The following PSG3 variants were observed in gnomAD, a reference collection of about 807,000 sequenced individuals.
PSG3 encodes pregnancy-specific beta-1-glycoprotein 3.
PSG3 carries 61 observed loss-of-function variants against 47.5 expected under a neutral mutation model. That is an observed-to-expected ratio of 1.28 (90% CI 1.05 to 1.59). The LOEUF is 1.59. Ranked by LOEUF, PSG3 falls within the 40% of genes most tolerant of loss-of-function variation. PSG3 has a pLI of 0.00. For synonymous variants in PSG3, 263 were observed against 198.4 expected (o/e 1.33, Z -2.74); for missense variants, 756 against 524.0 (o/e 1.44, Z -4.32).
rs759329661 is a variant in PSG3, at chr19:42,729,371, G to T, written c.995C>A (p.Pro332Gln). ...TGAAGGGTAAATTCTGGGGAGGTCTGGACCATCTGGAGCAAAGAGAATAAA... is the reference window on the plus strand; with the variant it reads ...TGAAGGGTAAATTCTGGGGAGGTCTTGACCATCTGGAGCAAAGAGAATAAA... ...YPVTLNVLYG[P>Q]DLPRIYPSFT... The change falls in exon 5 of 7, where the codon CCA becomes CAA. Residue 332 changes from proline (P) to glutamine (Q), a missense_variant. Physicochemically the swap from Pro to Gln is moderately conservative, Grantham distance 76 (BLOSUM62 -1). Coordinates refer to ENST00000327495, the MANE Select transcript of PSG3 (RefSeq NM_021016.4). 3.7e-6 allele frequency: 6 copies of T among 1,612,206 alleles called. No homozygotes were observed. The highest frequency in any genetic ancestry group is 5.1e-6 in the Non-Finnish European group (6 of 1,178,954).
chr19:42,732,838 T>C lies in PSG3; in HGVS notation c.655A>G (p.Ile219Val). 1 of 1,614,152 alleles carries C rather than the reference T, an allele frequency of 6.2e-7. No homozygotes were observed. The highest frequency in any genetic ancestry group is 8.5e-7 in the Non-Finnish European group (1 of 1,180,010). The change falls in exon 3 of 7, where the codon ATA (isoleucine) becomes GTA (valine). Residue 219 changes from isoleucine to valine, a missense_variant. Physicochemically the swap from Ile to Val is conservative, Grantham distance 29 (BLOSUM62 3). Transcript: ENST00000327495. ...CGGCTGGCACTCACTGGGTTCCGTA[T>C]TTCACATTCATAGGGTCCTGCAGTG... Reference protein sequence around the residue: ...KYTAGPYECEIRNPVSASRSD... With the variant: ...KYTAGPYECEVRNPVSASRSD...
At chr19:42,724,566 C>A (rs1969345772) in intron 5 of PSG3, among the ~76,000 whole-genome samples, 2 of 152,144 alleles carry the variant, frequency 1.3e-5, no homozygotes, top group South Asian at 4.1e-4. Context: ...TGGAGGATTC[C>A]CCATCAGCCT....
At chr19:42,733,530 C>A in intron 2 of PSG3, 1 of 174,290 alleles carries the variant, frequency 5.7e-6, no homozygotes, top group East Asian at 1.4e-4. Flanking sequence ...TGTCTTTAAA[C>A]CCTTTGGATA....
In PSG3 at chr19:42,736,990, C is replaced by T. The variant is rs139756698; in HGVS notation, c.430+1734G>A. Among the ~76,000 whole-genome samples, 472 of 152,122 alleles carry T rather than the reference C, an allele frequency of 3.1e-3. 3 individuals are homozygous for T. The highest frequency in any genetic ancestry group is 0.011 in the African/African-American group (458 of 41,468). ...GGGTGGGGGAAGAAGCTGTGCAGGA[C>T]AGGGCTTGCCAGTCAGAATGAAGTG... On this transcript the variant is annotated intron_variant, in intron 2 of 6. Coordinates refer to ENST00000327495, the MANE Select transcript of PSG3 (RefSeq NM_021016.4).
At chr19:42,726,668 T>G (rs112667639) in intron 5 of PSG3, among the ~76,000 whole-genome samples, 8,341 of 152,242 alleles carry the variant, frequency 0.055, 255 homozygotes, top group Middle Eastern at 0.12. Context: ...GACATTTTGT[T>G]TTCATGAATT....
intron 2 of PSG3, among the ~76,000 whole-genome samples, chr19:42,735,485 G>T (rs1969548089): frequency 6.6e-6 from 1 of 151,992 alleles, no homozygotes. Flanking sequence ...TCCTGGCTTG[G>T]CCTCCCAAAT....
At chr19:42,730,346 C>A (rs1287395611) in intron 3 of PSG3, among the ~76,000 whole-genome samples, 1 of 152,184 alleles carries the variant, frequency 6.6e-6, no homozygotes, top group East Asian at 1.9e-4. Context: ...GTACCCCTCC[C>A]AGTCCCTCCA....
chr19:42,734,932 T>A (rs1411068554), intron 2 of PSG3, among the ~76,000 whole-genome samples: 5 of 152,354 alleles, frequency 3.3e-5, no homozygotes, highest in African/African-American at 9.6e-5. Context: ...ACACCACTAG[T>A]GTTTAAGTTT....
At chr19:42,732,431 G>T (rs756634732) in intron 3 of PSG3, 10 of 442,040 alleles carry the variant, frequency 2.3e-5, no homozygotes, top group Admixed American at 1.1e-4. Context: ...AGAGGGAAGG[G>T]AAAATCCTGG....
chr19:42,740,247 G>C, intron 1 of PSG3, 74 bp downstream of exon 1: 2 of 1,612,254 alleles, frequency 1.2e-6, no homozygotes, highest in Non-Finnish European at 1.7e-6. Context: ...AGAACCCCAG[G>C]AGTCTCTCCA....
intron 2 of PSG3, chr19:42,734,265 T>A (rs1262536820): frequency 6.6e-6 from 1 of 152,254 alleles, no homozygotes; most frequent in African/African-American, 2.4e-5. Flanking sequence ...ATTTCTAATT[T>A]TTTTTATTTT....
At chr19:42,728,819 C>G (rs1208681738) in intron 5 of PSG3, among the ~76,000 whole-genome samples, 1 of 151,932 alleles carries the variant, frequency 6.6e-6, no homozygotes, top group Non-Finnish European at 1.5e-5. Context: ...CAAGAAGCAA[C>G]TTGATCTTGA....
intron 2 of PSG3, among the ~76,000 whole-genome samples, chr19:42,734,779 C>A (rs78723980): frequency 0.055 from 8,331 of 152,078 alleles, 255 homozygotes; most frequent in Middle Eastern, 0.12. Context: ...AGGAAGGATG[C>A]CAAACTAAAA....
intron 5 of PSG3, among the ~76,000 whole-genome samples, chr19:42,726,124 C>T (rs1321564942): frequency 2.0e-5 from 3 of 151,996 alleles, no homozygotes; most frequent in Admixed American, 2.0e-4. Flanking sequence ...TAAAAACTTT[C>T]TAAGAAGGGA....
At position 42,724,034 on chromosome 19, in the gene PSG3, G is replaced by GA. The variant is rs540905867; in HGVS notation, c.1244-10dup. The GA allele has an allele frequency of 1.2e-3, 1,851 of 1,605,684 alleles. 26 individuals are homozygous for GA. The South Asian group carries it at 0.015, about 13-fold the overall frequency. On this transcript the variant is annotated splice_polypyrimidine_tract_variant and intron_variant, in intron 5 of 6. Coordinates refer to ENST00000327495, the MANE Select transcript of PSG3 (RefSeq NM_021016.4). ...TCCTGTTCCTGAAGGAGCTGTCATG[G>GA]AAAAAAAAGAAAAGAAGGAATGAAG... is the stretch of plus-strand genomic sequence containing the variant.
chr19:42,740,221 G>T, intron 1 of PSG3, 100 bp downstream of exon 1: 2 of 1,607,030 alleles, frequency 1.2e-6, no homozygotes, highest in Non-Finnish European at 1.7e-6. Flanking sequence ...CTAAGTGCTG[G>T]CTTCTTTTAT....
chr19:42,740,216 T>C lies in PSG3; in HGVS notation c.64+105A>G, dbSNP rs372255688. On this transcript the variant is annotated intron_variant, in intron 1 of 6. Transcript: ENST00000327495. ...ATCCACCCTCCTCAGCCTCCCTAAGTGCTGGCTTCTTTTATTTTTTAGAAC... is the reference window on the plus strand; with the variant it reads ...ATCCACCCTCCTCAGCCTCCCTAAGCGCTGGCTTCTTTTATTTTTTAGAAC... 6 of 1,604,412 alleles carry C rather than the reference T, an allele frequency of 3.7e-6. No individual in the cohort carries two copies. In the African/African-American group the frequency reaches 5.4e-5, roughly 14 times the overall value.
rs747593758 is a variant in PSG3, at chr19:42,732,844, A to C, written c.649T>G (p.Cys217Gly). 6.2e-7 allele frequency: 1 copy of C among 1,614,158 alleles called. No homozygotes were observed. The highest frequency in any genetic ancestry group is 8.5e-7 in the Non-Finnish European group (1 of 1,180,026). The change falls in exon 3 of 7, where the codon TGT becomes GGT. Residue 217 changes from cysteine to glycine, a missense_variant. By Grantham distance (159) the Cys-to-Gly change is radical. Coordinates refer to ENST00000327495, the MANE Select transcript of PSG3 (RefSeq NM_021016.4). Reference sequence around the variant, plus strand: ...GCACTCACTGGGTTCCGTATTTCACATTCATAGGGTCCTGCAGTGTACTTT... The same window carrying C: ...GCACTCACTGGGTTCCGTATTTCACCTTCATAGGGTCCTGCAGTGTACTTT... ...VTKYTAGPYE[C>G]EIRNPVSASR...
Position 42,739,067 on chromosome 19 carries a change from G to T in PSG3, c.87C>A (p.Asn29Lys). 1 of 1,605,962 alleles carries T rather than the reference G, an allele frequency of 6.2e-7. No homozygotes were observed. The change falls in exon 2 of 7, where the codon AAC becomes AAA. Residue 29 changes from asparagine (N) to lysine (K), a missense_variant. Asn to Lys is a moderately conservative substitution (Grantham distance 94). Transcript: ENST00000327495. ...TCGTGACTTGGGCAGTGGTAGGCAA[G>T]TTCCAGAAGTTTAAAAGTAATGCTA... ...LLTALLLNFW[N>K]LPTTAQVTIE...
Sources: gnomAD v4.1 joint callset for allele counts (sites outside exome capture counted in the v4.1 genomes callset) on GRCh38, gnomAD v4.1.1 for gene constraint, MANE v1.5 for transcripts, NCBI Gene and HGNC (gene_info 2026-07-23, HGNC 2026-07-21) for gene names.